MYO3B: variants seen among roughly 807,000 people sequenced by gnomAD.
The protein encoded by MYO3B is myosin IIIB.
A neutral mutation model predicts 174.6 loss-of-function variants in MYO3B; 156 were observed. The ratio of observed to expected loss-of-function variants is 0.89; its 90% CI spans 0.78 to 1.02. MYO3B has a LOEUF of 1.02. MYO3B is among the 50% of genes least tolerant of loss of function. MYO3B has a pLI of 0.00. For missense variants in MYO3B, 1,632 were observed against 1,639.4 expected (o/e 1.00, Z 0.08); for synonymous variants, 563 against 569.1 (o/e 0.99, Z 0.15).
intron 32 of MYO3B, among the ~76,000 whole-genome samples, chr2:170,597,583 A>G (rs1045591030): frequency 2.0e-5 from 3 of 151,998 alleles, no homozygotes; most frequent in African/African-American, 7.3e-5. Flanking sequence ...ACTTCCTTCC[A>G]GTGAATTTCC....
intron 22 of MYO3B, among the ~76,000 whole-genome samples, chr2:170,443,528 G>A (rs545175678): frequency 6.6e-6 from 1 of 152,092 alleles, no homozygotes; most frequent in African/African-American, 2.4e-5. Flanking sequence ...GGCTTTTGTT[G>A]CCATTGCTTT....
chr2:170,469,030 G>A (rs1199705925), intron 25 of MYO3B, among the ~76,000 whole-genome samples: 1 of 152,040 alleles, frequency 6.6e-6, no homozygotes, highest in Non-Finnish European at 1.5e-5. Flanking sequence ...TGGCTACTTG[G>A]GAGGCTGAGC....
intron 7 of MYO3B, among the ~76,000 whole-genome samples, chr2:170,246,864 A>C (rs2093196632): frequency 6.6e-6 from 1 of 151,852 alleles, no homozygotes; most frequent in South Asian, 2.1e-4. Context: ...CAATGCGGGG[A>C]GGGAGGGAGG....
At position 170,383,046 on chromosome 2, in the gene MYO3B, C is replaced by T. The variant is rs756598366; in HGVS notation, c.1069-27C>T. 5.1e-6 allele frequency: 7 copies of T among 1,382,576 alleles called. No individual in the cohort carries two copies. In the African/African-American group the frequency reaches 5.7e-5, roughly 11 times the overall value. The allele number at this position is 1,382,576 out of a possible 1,614,324, so 85.6% of individuals were successfully genotyped here. ...ATCCCTTGACTGGGAATAATATTTACCTCAATACCATTTATCCTCTTCTTA... is the reference window on the plus strand; with the variant it reads ...ATCCCTTGACTGGGAATAATATTTATCTCAATACCATTTATCCTCTTCTTA... On this transcript the variant is annotated intron_variant, in intron 10 of 34. Coordinates refer to ENST00000408978, the MANE Select transcript of MYO3B (RefSeq NM_138995.5).
chr2:170,351,146 T>G (rs554156622), intron 8 of MYO3B: 2 of 152,296 alleles, frequency 1.3e-5, no homozygotes, highest in East Asian at 3.9e-4. Flanking sequence ...GCTCATGAAG[T>G]GCTCAGCTGG....
chr2:170,230,098 T>G (rs1480603677), intron 6 of MYO3B, among the ~76,000 whole-genome samples: 1 of 152,116 alleles, frequency 6.6e-6, no homozygotes, highest in Non-Finnish European at 1.5e-5. Flanking sequence ...TCAATAACAT[T>G]TATCGATTAT....
chr2:170,361,765 T>C (rs1450168503), intron 8 of MYO3B, among the ~76,000 whole-genome samples: 3 of 152,176 alleles, frequency 2.0e-5, no homozygotes, highest in Non-Finnish European at 4.4e-5. Context: ...TACATCTCTC[T>C]CTCTTTTTCC....
chr2:170,218,795 T>C (rs1040517761), intron 6 of MYO3B, among the ~76,000 whole-genome samples: 25 of 152,340 alleles, frequency 1.6e-4, no homozygotes, highest in Admixed American at 1.3e-3. Flanking sequence ...CTCCCATTAT[T>C]ATTATTATTA....
chr2:170,561,142 A>G (rs552964949), intron 32 of MYO3B, among the ~76,000 whole-genome samples: 1 of 152,258 alleles, frequency 6.6e-6, no homozygotes, highest in African/African-American at 2.4e-5. Flanking sequence ...ACCCCCATTC[A>G]TGTCATGTAG....
At chr2:170,585,478 G>C (rs1464573877) in intron 32 of MYO3B, among the ~76,000 whole-genome samples, 1 of 152,108 alleles carries the variant, frequency 6.6e-6, no homozygotes, top group African/African-American at 2.4e-5. Context: ...CCTCCCGCCT[G>C]CATTGTAGAG....
At chr2:170,463,980 T>TGCAA (rs1358629662) in intron 24 of MYO3B, among the ~76,000 whole-genome samples, 2 of 152,178 alleles carry the variant, frequency 1.3e-5, no homozygotes. Flanking sequence ...CACAGATTTG[T>TGCAA]TTGTCTTCAA....
Position 170,403,032 on chromosome 2 carries a change from G to A in MYO3B, c.2277+37G>A, listed in dbSNP as rs765499559. On this transcript the variant is annotated intron_variant, in intron 19 of 34. Transcript: ENST00000408978. ...CTCTGAGGTAACTAAACTTGATGGGGAAAAGGTGTCTCCAAGCTGCCCACA... is the reference window on the plus strand; with the variant it reads ...CTCTGAGGTAACTAAACTTGATGGGAAAAAGGTGTCTCCAAGCTGCCCACA... The A allele has an allele frequency of 3.9e-6, 6 of 1,535,420 alleles. No homozygotes were observed. The African/African-American group carries it at 8.1e-5, about 21-fold the overall frequency.
At chr2:170,576,546 A>G (rs1190198553) in intron 32 of MYO3B, among the ~76,000 whole-genome samples, 1 of 152,226 alleles carries the variant, frequency 6.6e-6, no homozygotes, top group Non-Finnish European at 1.5e-5. Context: ...GCAAAGAAGT[A>G]TGATTTGTGG....
chr2:170,392,152 G>A (rs1048196502), intron 15 of MYO3B, among the ~76,000 whole-genome samples: 5 of 151,420 alleles, frequency 3.3e-5, no homozygotes, highest in African/African-American at 9.7e-5. Flanking sequence ...AATTAGCTGG[G>A]TGTGGTGGCA....
At chr2:170,651,821 G>GGGGCCC in intron 33 of MYO3B, 87 bp downstream of exon 33, 4 of 1,089,304 alleles carry the variant, frequency 3.7e-6, no homozygotes, top group East Asian at 2.4e-5. Context: ...AGCCCCTGCA[G>GGGGCCC]CCCCACCCCC....
chr2:170,634,758 C>T (rs1697321734), intron 32 of MYO3B, among the ~76,000 whole-genome samples: 1 of 152,268 alleles, frequency 6.6e-6, no homozygotes, highest in East Asian at 1.9e-4. Context: ...ACAAAGAACT[C>T]AAACAAATTT....
intron 10 of MYO3B, 100 bp downstream of exon 10, chr2:170,382,212 AAATTT>A: frequency 1.1e-6 from 1 of 947,940 alleles, no homozygotes. Flanking sequence ...GGTCATTTGA[AAATTT>A]AATTGTTTGT....
intron 30 of MYO3B, among the ~76,000 whole-genome samples, chr2:170,525,903 T>C (rs1374802130): frequency 6.6e-6 from 1 of 152,166 alleles, no homozygotes; most frequent in Non-Finnish European, 1.5e-5. Flanking sequence ...GTTCTAAGAC[T>C]GTTGAACAGA....
intron 7 of MYO3B, among the ~76,000 whole-genome samples, chr2:170,282,984 C>T (rs12611789): frequency 0.52 from 78,340 of 151,880 alleles, 20,533 homozygotes; most frequent in East Asian, 0.67. Flanking sequence ...AGCATTTCAC[C>T]ATTGCAGTCC....
Sources: gnomAD v4.1 joint callset for allele counts (sites outside exome capture counted in the v4.1 genomes callset) on GRCh38, gnomAD v4.1.1 for gene constraint, MANE v1.5 for transcripts, NCBI Gene and HGNC (gene_info 2026-07-23, HGNC 2026-07-21) for gene names.